The following SMG6 variants were observed in gnomAD, a reference collection of about 807,000 sequenced individuals.
The protein encoded by SMG6 is telomerase-binding protein EST1A.
Under a neutral mutation model 142.2 loss-of-function variants are expected in SMG6, and 66 were observed. The ratio of observed to expected loss-of-function variants is 0.46; its 90% CI spans 0.38 to 0.57. The LOEUF (loss-of-function observed/expected upper bound fraction) is 0.57, where lower values mean the gene tolerates loss of function less well. Among genes scored for constraint, SMG6 ranks in the 20% least tolerant of loss-of-function variants. SMG6 has a pLI of 0.00. For synonymous variants in SMG6, 779 were observed against 702.4 expected (o/e 1.11, Z -1.72); for missense variants, 1,793 against 1,832.0 (o/e 0.98, Z 0.39).
chr17:2,288,387 A>C (rs1675698), intron 6 of SMG6, among the ~76,000 whole-genome samples: 86,735 of 151,690 alleles, frequency 0.57, 26,087 homozygotes, highest in East Asian at 0.75. Flanking sequence ...TGGGAGGCTG[A>C]GGCAGGTGGC....
intron 8 of SMG6, among the ~76,000 whole-genome samples, chr17:2,257,980 G>T (rs2074222348): frequency 7.3e-6 from 1 of 136,356 alleles, no homozygotes; most frequent in Non-Finnish European, 1.5e-5. Context: ...CTGGACTCCA[G>T]CCTGGGCGAC....
At chr17:2,135,996 A>ATGTGTGTGTGTGTG (rs545225787) in intron 13 of SMG6, among the ~76,000 whole-genome samples, 16 of 141,108 alleles carry the variant, frequency 1.1e-4, no homozygotes, top group South Asian at 4.7e-4. Context: ...ATATATATTT[A>ATGTGTGTGTGTGTG]TGTGTGTGTG....
chr17:2,102,935 T>C (rs898150118), intron 13 of SMG6, among the ~76,000 whole-genome samples: 1 of 152,196 alleles, frequency 6.6e-6, no homozygotes, highest in Non-Finnish European at 1.5e-5. Context: ...CATAATGCTC[T>C]TCAATTCCAC....
At chr17:2,218,443 A>T (rs1476890438) in intron 10 of SMG6, among the ~76,000 whole-genome samples, 2 of 152,108 alleles carry the variant, frequency 1.3e-5, no homozygotes, top group African/African-American at 4.8e-5. Context: ...AGCTACTCGA[A>T]GGCTGAGACA....
At chr17:2,245,105 C>G (rs938767486) in intron 8 of SMG6, among the ~76,000 whole-genome samples, 2 of 152,134 alleles carry the variant, frequency 1.3e-5, no homozygotes, top group African/African-American at 4.8e-5. Context: ...ATAGTGAAGG[C>G]CCTGGTTCTA....
chr17:2,213,866 T>C (rs766856453), intron 10 of SMG6: 6 of 152,216 alleles, frequency 3.9e-5, no homozygotes, highest in Non-Finnish European at 8.8e-5. Flanking sequence ...TCTTTTAAAA[T>C]TTTTTATTAA....
intron 16 of SMG6, among the ~76,000 whole-genome samples, chr17:2,066,511 G>A (rs1307958160): frequency 6.6e-6 from 1 of 152,052 alleles, no homozygotes; most frequent in Non-Finnish European, 1.5e-5. Context: ...GGGGCTCTGG[G>A]AGAGTTTGGG....
At chr17:2,286,240 A>G (rs969841399) in intron 6 of SMG6, among the ~76,000 whole-genome samples, 13 of 150,712 alleles carry the variant, frequency 8.6e-5, no homozygotes, top group African/African-American at 3.2e-4. Flanking sequence ...CAAAATTCCA[A>G]TGATTTTGCA....
intron 13 of SMG6, among the ~76,000 whole-genome samples, chr17:2,094,580 T>C (rs1222712217): frequency 2.0e-5 from 3 of 152,046 alleles, no homozygotes; most frequent in African/African-American, 7.2e-5. Context: ...CTTGCTTTGT[T>C]GCCCGGGCTG....
At chr17:2,067,839 C>A (rs969187795) in intron 16 of SMG6, among the ~76,000 whole-genome samples, 11 of 152,186 alleles carry the variant, frequency 7.2e-5, no homozygotes, top group African/African-American at 2.7e-4. Flanking sequence ...ACACTTGGGA[C>A]TGGGAGGGAA....
intron 2 of SMG6, among the ~76,000 whole-genome samples, chr17:2,298,604 G>A (rs2075197077): frequency 6.6e-6 from 1 of 151,932 alleles, no homozygotes; most frequent in Admixed American, 6.6e-5. Flanking sequence ...TGTAGTCCCA[G>A]CTACTTGGGA....
intron 14 of SMG6, 133 bp from the exon 15 acceptor site, chr17:2,082,089 G>C (rs927239177): frequency 4.6e-6 from 4 of 869,174 alleles, no homozygotes; most frequent in Admixed American, 2.4e-5. Flanking sequence ...GGGTCCCCTG[G>C]TGTGTGCTTC....
chr17:2,222,341 A>G (rs1212981912), intron 10 of SMG6, among the ~76,000 whole-genome samples: 1 of 151,992 alleles, frequency 6.6e-6, no homozygotes, highest in Admixed American at 6.6e-5. Flanking sequence ...AACATTAAGC[A>G]AAGACTTATA....
At chr17:2,106,355 C>T (rs2069154436) in intron 13 of SMG6, among the ~76,000 whole-genome samples, 1 of 152,124 alleles carries the variant, frequency 6.6e-6, no homozygotes, top group South Asian at 2.1e-4. Context: ...AGCAGATAAG[C>T]CACCAACGTG....
chr17:2,098,560 A>G (rs984793874), intron 13 of SMG6, among the ~76,000 whole-genome samples: 7 of 152,116 alleles, frequency 4.6e-5, no homozygotes, highest in African/African-American at 1.7e-4. Context: ...ATTGCAACCT[A>G]TTAAGTTCTC....
chr17:2,086,958 C>T (rs2068579211), intron 13 of SMG6: 1 of 1,259,664 alleles, frequency 7.9e-7, no homozygotes, highest in Non-Finnish European at 1.0e-6. Flanking sequence ...CAGGGGACGG[C>T]CCCTTCATCC....
At chr17:2,301,924 A>C (rs1270509812) in intron 1 of SMG6, among the ~76,000 whole-genome samples, 1 of 152,090 alleles carries the variant, frequency 6.6e-6, no homozygotes, top group Non-Finnish European at 1.5e-5. Context: ...AATTCGGGAG[A>C]ATATTATCAA....
chr17:2,147,459 G>A (rs2070703252), intron 13 of SMG6, among the ~76,000 whole-genome samples: 2 of 152,138 alleles, frequency 1.3e-5, no homozygotes, highest in South Asian at 4.1e-4. Flanking sequence ...GAGCCTAGGT[G>A]GGCGTAGTGG....
intron 10 of SMG6, among the ~76,000 whole-genome samples, chr17:2,218,261 C>T (rs571647949): frequency 6.6e-6 from 1 of 151,612 alleles, no homozygotes; most frequent in African/African-American, 2.4e-5. Context: ...AATAAGATAA[C>T]CAAATAGGCC....
Sources: gnomAD v4.1 joint callset for allele counts (sites outside exome capture counted in the v4.1 genomes callset) on GRCh38, gnomAD v4.1.1 for gene constraint, MANE v1.5 for transcripts, NCBI Gene and HGNC (gene_info 2026-07-23, HGNC 2026-07-21) for gene names.